The following ARHGEF18 variants were observed in gnomAD, a reference collection of about 807,000 sequenced individuals.
The protein encoded by ARHGEF18 is Rho/Rac guanine nucleotide exchange factor 18, also known as rho guanine nucleotide exchange factor 18.
In ARHGEF18, 93 loss-of-function variants were observed where a neutral mutation model predicts 155.7. The ratio of observed to expected loss-of-function variants is 0.60; its 90% CI spans 0.50 to 0.71. The LOEUF (loss-of-function observed/expected upper bound fraction) is 0.71, where lower values mean the gene tolerates loss of function less well. Ranked by LOEUF, ARHGEF18 falls within the 30% of genes least tolerant of loss-of-function variation. The pLI is 0.00. For missense variants in ARHGEF18, 1,593 were observed against 1,816.1 expected (o/e 0.88, Z 2.23); for synonymous variants, 742 against 753.1 (o/e 0.99, Z 0.24).
At position 7,440,555 on chromosome 19, in the gene ARHGEF18, G is replaced by A. The variant is rs1974577707; in HGVS notation, c.1106+73G>A. 8.0e-6 allele frequency: 12 copies of A among 1,505,154 alleles called. No individual in the cohort carries two copies. The highest frequency in any genetic ancestry group is 1.1e-5 in the Non-Finnish European group (12 of 1,124,882). The allele number at this position is 1,505,154 out of a possible 1,614,324, so 93.2% of individuals were successfully genotyped here. On this transcript the variant is annotated intron_variant, in intron 11 of 28. Transcript: ENST00000668164. This position sits in a 1 kb window ranked among gnomAD's most constrained non-coding sequence, Gnocchi z 5.4. Reference sequence around the variant, plus strand: ...CGGGGAGCTGTTGACAGCCTCTTCGGAGGGAGACCCCGACTTAGATCTGTG... The same window carrying A: ...CGGGGAGCTGTTGACAGCCTCTTCGAAGGGAGACCCCGACTTAGATCTGTG...
chr19:7,381,882 T>TA (rs1970764763), intron 8 of ARHGEF18, among the ~76,000 whole-genome samples: 2 of 151,976 alleles, frequency 1.3e-5, no homozygotes, highest in South Asian at 4.2e-4. Flanking sequence ...AAGAAACATT[T>TA]ATGGATATTT....
rs910305897 is a variant in ARHGEF18, at chr19:7,439,639, C to T, written c.968-705C>T. 4.5e-6 allele frequency: 5 copies of T among 1,107,030 alleles called. No homozygotes were observed. In the Admixed American group the frequency reaches 2.3e-4, roughly 50 times the overall value. 68.6% of individuals were successfully genotyped at this position (1,107,030 alleles called of 1,614,324 possible). Reference sequence around the variant, plus strand: ...ATGGAACAGAATCGGAGCCTCGCGTCCACTTCGATGCTAGAATTCTGTTCG... The same window carrying T: ...ATGGAACAGAATCGGAGCCTCGCGTTCACTTCGATGCTAGAATTCTGTTCG... On this transcript the variant is annotated intron_variant, in intron 10 of 28. Coordinates refer to ENST00000668164, the MANE Select transcript of ARHGEF18 (RefSeq NM_001367823.1).
rs777132091 is a variant in ARHGEF18, at chr19:7,451,203, C to G, written c.1792C>G (p.Leu598Val). The G allele has an allele frequency of 6.3e-7, 1 of 1,592,264 alleles. No individual in the cohort carries two copies. Among genetic ancestry groups the G allele is most frequent in the Admixed American group, 1.7e-5 (1 of 57,658 alleles). Reference sequence around the variant, plus strand: ...GCTTGGCGTGCAGGAGTGCATTCTCCTGGTTACACAACGCATAACCAAATA... The same window carrying G: ...GCTTGGCGTGCAGGAGTGCATTCTCGTGGTTACACAACGCATAACCAAATA... ...RRLGVQECIL[L>V]VTQRITKYPV... The change falls in exon 16 of 29, where the codon CTG becomes GTG. Residue 598 changes from leucine (L) to valine (V), a missense_variant. Coordinates refer to ENST00000668164, the MANE Select transcript of ARHGEF18 (RefSeq NM_001367823.1).
rs71179108 is a variant in ARHGEF18 at position 7,416,530 on chromosome 19, CGTGTGTGTGT to C, written c.968-23775_968-23766del. Among the ~76,000 whole-genome samples the C allele has an allele frequency of 3.7e-3, 387 of 105,944 alleles. 1 individual carries two copies. The highest frequency in any genetic ancestry group is 8.5e-3 in the East Asian group (29 of 3,412). 69.5% of individuals were successfully genotyped at this position (105,944 alleles called of 152,430 possible). On this transcript the variant is annotated intron_variant, in intron 10 of 28. Transcript: ENST00000668164. ...TGTGATGTGCCTCACGGAGAAAATT[CGTGTGTGTGT>C]GTGTGTGTGTGTGTGTGTGTGTGTG...
intron 2 of ARHGEF18, among the ~76,000 whole-genome samples, chr19:7,365,264 TA>T (rs1211534348): frequency 1.3e-5 from 2 of 152,098 alleles, no homozygotes; most frequent in Admixed American, 6.6e-5. Flanking sequence ...CTGTCTCTAC[TA>T]AAAATACAAA....
At chr19:7,377,257 C>A (rs750373921) in intron 5 of ARHGEF18, among the ~76,000 whole-genome samples, 7 of 151,938 alleles carry the variant, frequency 4.6e-5, no homozygotes, top group Non-Finnish European at 7.4e-5. Context: ...TTTTAGTAGA[C>A]ACAGGGTTTC....
At chr19:7,456,610 A>G (rs924414051) in intron 18 of ARHGEF18, among the ~76,000 whole-genome samples, 3 of 152,136 alleles carry the variant, frequency 2.0e-5, no homozygotes, top group Admixed American at 1.3e-4. Flanking sequence ...CCAGCTACTC[A>G]GGAGGCTGAG....
chr19:7,362,732 T>C, intron 1 of ARHGEF18, 49 bp from the exon 2 acceptor site: 1 of 1,232,340 alleles, frequency 8.1e-7, no homozygotes, highest in Non-Finnish European at 1.0e-6. Flanking sequence ...CCTGGCTTCC[T>C]CAGCACTCCC....
chr19:7,419,742 G>A (rs1973240177), intron 10 of ARHGEF18, among the ~76,000 whole-genome samples: 1 of 152,072 alleles, frequency 6.6e-6, no homozygotes, highest in South Asian at 2.1e-4. Flanking sequence ...AGTCACTTGG[G>A]AAGGTGTCGG....
intron 16 of ARHGEF18, 92 bp downstream of exon 16, chr19:7,451,358 A>G: frequency 9.7e-7 from 1 of 1,025,964 alleles, no homozygotes; most frequent in Non-Finnish European, 1.4e-6. Flanking sequence ...AGCAAACTGA[A>G]TAAATTCCCT....
At chr19:7,448,577 T>C (rs2145815669) in intron 15 of ARHGEF18, among the ~76,000 whole-genome samples, 1 of 151,358 alleles carries the variant, frequency 6.6e-6, no homozygotes, top group Non-Finnish European at 1.5e-5. Flanking sequence ...AGAAGAATGG[T>C]GTGAACCCGG....
intron 10 of ARHGEF18, among the ~76,000 whole-genome samples, chr19:7,423,474 C>A (rs376095723): frequency 2.0e-5 from 3 of 152,004 alleles, no homozygotes; most frequent in Admixed American, 2.0e-4. Context: ...CCGAGGCGAG[C>A]GGATCACTTG....
At chr19:7,465,311 C>T (rs1317024180) in intron 23 of ARHGEF18, among the ~76,000 whole-genome samples, 1 of 152,164 alleles carries the variant, frequency 6.6e-6, no homozygotes, top group Non-Finnish European at 1.5e-5. Flanking sequence ...TCCTGTTATC[C>T]ACACTAAGGG....
chr19:7,388,205 C>T (rs569149794), intron 10 of ARHGEF18, among the ~76,000 whole-genome samples: 6 of 152,102 alleles, frequency 3.9e-5, no homozygotes, highest in African/African-American at 9.6e-5. Flanking sequence ...TTAGCATTAC[C>T]GTATGGAGCA....
chr19:7,410,808 T>C (rs959543729), intron 10 of ARHGEF18, among the ~76,000 whole-genome samples: 5 of 13,322 alleles, frequency 3.8e-4, no homozygotes, highest in Admixed American at 2.3e-3. Flanking sequence ...AGACTCCATC[T>C]CAAAAAAAAA....
At chr19:7,465,693 C>T (rs1404641911) in intron 23 of ARHGEF18, among the ~76,000 whole-genome samples, 1 of 152,196 alleles carries the variant, frequency 6.6e-6, no homozygotes, top group African/African-American at 2.4e-5. Context: ...ATAGGCAAGG[C>T]CGCCATACCT....
intron 10 of ARHGEF18, among the ~76,000 whole-genome samples, chr19:7,437,033 T>C (rs974017406): frequency 6.6e-6 from 1 of 152,198 alleles, no homozygotes; most frequent in Non-Finnish European, 1.5e-5. Flanking sequence ...GCTTAGTGGC[T>C]GATGTCTTAA....
downstream of ARHGEF18, chr19:7,477,048 TG>T: frequency 3.2e-6 from 2 of 620,490 alleles, no homozygotes; most frequent in South Asian, 3.9e-5. Context: ...GGCTGAGGCC[TG>T]GGGGACCTCG....
At chr19:7,458,179 C>G (rs1167161279) in intron 18 of ARHGEF18, among the ~76,000 whole-genome samples, 2 of 151,278 alleles carry the variant, frequency 1.3e-5, no homozygotes, top group African/African-American at 4.9e-5. Context: ...CCCAGCTACT[C>G]AGGAGGCTGA....
Sources: allele counts gnomAD v4.1 joint callset (sites outside exome capture counted in the v4.1 genomes callset), GRCh38; gene constraint gnomAD v4.1.1; non-coding constraint Gnocchi (gnomAD v3.1); transcripts MANE v1.5; gene names NCBI Gene and HGNC (gene_info 2026-07-23, HGNC 2026-07-21).